XDH: variants seen among roughly 807,000 people sequenced by gnomAD.
XDH encodes xanthine dehydrogenase/oxidase.
Under a neutral mutation model 156.1 loss-of-function variants are expected in XDH, and 138 were observed. That is an observed-to-expected ratio of 0.88 (90% CI 0.77 to 1.02). XDH has a LOEUF of 1.02. Among genes scored for constraint, XDH ranks in the 50% least tolerant of loss-of-function variants. The pLI is 0.00. For missense variants in XDH, 1,849 were observed against 1,684.9 expected (o/e 1.10, Z -1.71); for synonymous variants, 669 against 625.7 (o/e 1.07, Z -1.03).
At chr2:31,337,914 G>A (rs968466498) in intron 34 of XDH, 97 bp from the exon 35 acceptor site, 13 of 1,367,490 alleles carry the variant, frequency 9.5e-6, no homozygotes, top group South Asian at 2.7e-5. Context: ...AACTCTGCAC[G>A]AGGAGGGCTG....
intron 24 of XDH, among the ~76,000 whole-genome samples, chr2:31,362,671 A>G (rs1685807075): frequency 6.6e-6 from 1 of 152,208 alleles, no homozygotes; most frequent in Non-Finnish European, 1.5e-5. Flanking sequence ...CTGTTTCATT[A>G]TAAAGTTCCT....
Position 31,368,024 on chromosome 2 carries a change from C to G in XDH, c.2134G>C (p.Glu712Gln). Residue 712 changes from glutamate to glutamine, a missense_variant, in exon 20 of 36, where the codon GAG (glutamate) becomes CAG (glutamine). Glu to Gln is a conservative substitution (Grantham distance 29). Transcript: ENST00000379416. Reference protein sequence around the residue: ...AIKNNSFYGPELKIEKGDLKK... With the variant: ...AIKNNSFYGPQLKIEKGDLKK... The stretch of plus-strand genomic sequence containing the variant: ...AGGTCCCCTTTCTCGATCTTCAGCT[C>G]AGGTCCATAAAAGGAGTTGTTCTTT... 1.2e-6 allele frequency: 2 copies of G among 1,614,144 alleles called. No individual in the cohort carries two copies. Among genetic ancestry groups the G allele is most frequent in the Non-Finnish European group, 8.5e-7 (1 of 1,179,994 alleles).
At chr2:31,384,583 C>G (rs1686533576) in intron 9 of XDH, among the ~76,000 whole-genome samples, 4 of 152,010 alleles carry the variant, frequency 2.6e-5, no homozygotes, top group Admixed American at 2.6e-4. Flanking sequence ...TGCCTCTGTT[C>G]CTTAGACCCA....
Position 31,349,886 on chromosome 2 carries a change from A to G in XDH, c.2824-55T>C. ...GTTGGCGGCAAGAGACTGTGGGGGC[A>G]GGGCACAACCTAAAGTTAAGCTTCC... On this transcript the variant is annotated intron_variant, in intron 25 of 35. Transcript: ENST00000379416. 4 of 1,612,448 alleles carry G rather than the reference A, an allele frequency of 2.5e-6. No individual in the cohort carries two copies. In the South Asian group the frequency reaches 4.4e-5, roughly 18 times the overall value.
intron 31 of XDH, among the ~76,000 whole-genome samples, chr2:31,342,932 T>G (rs997562565): frequency 2.0e-5 from 3 of 152,224 alleles, no homozygotes; most frequent in Non-Finnish European, 4.4e-5. Flanking sequence ...GCCTGAGTCA[T>G]ATAAATATAT....
chr2:31,337,172 G>C (rs1684988911), intron 35 of XDH, among the ~76,000 whole-genome samples: 1 of 152,014 alleles, frequency 6.6e-6, no homozygotes, highest in African/African-American at 2.4e-5. Flanking sequence ...TGTGTCCCCA[G>C]TATCAGAATG....
At chr2:31,375,904 A>G (rs1463090081) in intron 14 of XDH, among the ~76,000 whole-genome samples, 6 of 152,240 alleles carry the variant, frequency 3.9e-5, no homozygotes, top group Non-Finnish European at 7.3e-5. Context: ...CCAATGAGAA[A>G]ACTGAGGCAC....
intron 35 of XDH, 149 bp downstream of exon 35, chr2:31,337,492 A>T: frequency 9.3e-7 from 1 of 1,071,972 alleles, no homozygotes; most frequent in Non-Finnish European, 1.4e-6. Context: ...TGTGCTTCAT[A>T]CCATGCACAA....
intron 24 of XDH, among the ~76,000 whole-genome samples, chr2:31,358,601 T>C (rs1486262321): frequency 6.6e-6 from 1 of 152,098 alleles, no homozygotes; most frequent in Non-Finnish European, 1.5e-5. Flanking sequence ...TGGTTCAGTG[T>C]TTAAAAAAAT....
chr2:31,388,715 T>C (rs947975820), intron 6 of XDH, among the ~76,000 whole-genome samples: 2 of 152,126 alleles, frequency 1.3e-5, no homozygotes, highest in South Asian at 4.1e-4. Context: ...GCGTGGCTGG[T>C]GTCTCCCAGG....
intron 13 of XDH, among the ~76,000 whole-genome samples, chr2:31,378,257 G>A (rs1686331161): frequency 6.6e-6 from 1 of 152,020 alleles, no homozygotes; most frequent in African/African-American, 2.4e-5. Context: ...CTGCCCTTGT[G>A]CTTTAAACAC....
chr2:31,412,289 G>C (rs939166364), intron 1 of XDH, among the ~76,000 whole-genome samples: 3 of 152,124 alleles, frequency 2.0e-5, no homozygotes, highest in African/African-American at 7.2e-5. Flanking sequence ...AGAGGTATTC[G>C]ACTTCTTGCA....
intron 6 of XDH, among the ~76,000 whole-genome samples, chr2:31,393,787 T>A (rs1210762771): frequency 7.1e-6 from 1 of 141,382 alleles, no homozygotes; most frequent in African/African-American, 2.7e-5. Flanking sequence ...GTATCAATTA[T>A]ACTTCCTTTT....
Position 31,373,872 on chromosome 2 carries a change from C to G in XDH, c.1686+1G>C, listed in dbSNP as rs148412639. ...ATTAGCCATACACTGACCGTACTCA[C>G]TTGGAAGAGCTGGACATCGGCTGGG... On this transcript the variant is annotated splice_donor_variant, in intron 16 of 35. Coordinates refer to ENST00000379416, the MANE Select transcript of XDH (RefSeq NM_000379.4). LOFTEE classifies it high-confidence loss of function. 9.3e-4 allele frequency: 1,493 copies of G among 1,613,748 alleles called. 2 individuals are homozygous for G. The highest frequency in any genetic ancestry group is 1.2e-3 in the Non-Finnish European group (1,383 of 1,179,768).
At position 31,386,438 on chromosome 2, in the gene XDH, G is replaced by C. The variant is rs749142920; in HGVS notation, c.769C>G (p.Leu257Val). The change falls in exon 9 of 36, where the codon CTG becomes GTG. Residue 257 changes from leucine to valine, a missense_variant. Coordinates refer to ENST00000379416, the MANE Select transcript of XDH (RefSeq NM_000379.4). The part of the protein sequence containing the change: ...DLKAQHPDAK[L>V]VVGNTEIGIE... ...CCAATCTCCGTGTTCCCCACGACCA[G>C]CTTGGCGTCAGGGTGCTGAGCCTTG... The C allele has an allele frequency of 6.2e-7, 1 of 1,613,836 alleles. No homozygotes were observed. Among genetic ancestry groups the C allele is most frequent in the South Asian group, 1.1e-5 (1 of 91,068 alleles).
At chr2:31,368,460 T>C in intron 19 of XDH, 81 bp downstream of exon 19, 1 of 1,574,686 alleles carries the variant, frequency 6.4e-7, no homozygotes, top group Non-Finnish European at 8.7e-7. Flanking sequence ...GCTGCTCAAA[T>C]CCCCTCCAGG....
intron 20 of XDH, 107 bp from the exon 21 acceptor site, chr2:31,367,101 G>A: frequency 4.4e-6 from 7 of 1,578,258 alleles, no homozygotes; most frequent in Non-Finnish European, 6.1e-6. Flanking sequence ...GGAAGCAATG[G>A]CTACCTGAGG....
At chr2:31,336,268 C>G (rs1200905797) in intron 35 of XDH, among the ~76,000 whole-genome samples, 1 of 152,198 alleles carries the variant, frequency 6.6e-6, no homozygotes. Context: ...AGATGTGATC[C>G]CTTTTGAAAC....
intron 30 of XDH, 61 bp downstream of exon 30, chr2:31,346,708 G>A: frequency 6.3e-7 from 1 of 1,594,034 alleles, no homozygotes; most frequent in Non-Finnish European, 8.6e-7. Context: ...ATTCGGAACG[G>A]AGGCCCTGCT....
Sources: allele counts gnomAD v4.1 joint callset (sites outside exome capture counted in the v4.1 genomes callset), GRCh38; gene constraint gnomAD v4.1.1; transcripts MANE v1.5; gene names NCBI Gene and HGNC (gene_info 2026-07-23, HGNC 2026-07-21).